Variants in MCC observed in about 807,000 individuals in gnomAD.
MCC encodes the protein colorectal mutant cancer protein.
A neutral mutation model predicts 116.2 loss-of-function variants in MCC; 90 were observed. The observed-to-expected ratio is 0.77, with a 90% CI of 0.65 to 0.92. MCC has a LOEUF of 0.92. MCC is among the 40% of genes least tolerant of loss of function. The pLI is 0.00. For missense variants in MCC, 1,516 were observed against 1,312.2 expected (o/e 1.16, Z -2.40); for synonymous variants, 578 against 510.5 (o/e 1.13, Z -1.78).
chr5:113,403,725 C>G (rs1769755272), intron 1 of MCC, among the ~76,000 whole-genome samples: 1 of 152,158 alleles, frequency 6.6e-6, no homozygotes, highest in Non-Finnish European at 1.5e-5. Context: ...GAGCTGTAAG[C>G]CCCCAGCGGG....
intron 3 of MCC, among the ~76,000 whole-genome samples, chr5:113,261,672 C>T (rs1294069912): frequency 6.6e-6 from 1 of 152,096 alleles, no homozygotes; most frequent in East Asian, 1.9e-4. Context: ...GTTTAACTGA[C>T]ACAAACAAAA....
Position 113,128,161 on chromosome 5 carries a change from C to T in MCC, c.885-5335G>A, listed in dbSNP as rs540486726. Among the ~76,000 whole-genome samples the T allele has an allele frequency of 3.7e-4, 56 of 152,208 alleles. 1 individual carries two copies. Among genetic ancestry groups the T allele is most frequent in the Non-Finnish European group, 4.7e-4 (32 of 68,026 alleles). On this transcript the variant is annotated intron_variant, in intron 5 of 18. Transcript: ENST00000408903. ...TATGGAGTCAACAGCATTTGATAGA[C>T]TGTCATGTCACTAACTATCCACATT...
intron 2 of MCC, among the ~76,000 whole-genome samples, chr5:113,374,661 T>G (rs1768937827): frequency 6.6e-6 from 1 of 152,138 alleles, no homozygotes; most frequent in East Asian, 1.9e-4. Flanking sequence ...TATATAACTT[T>G]TCCTCCAAAT....
At chr5:113,217,512 G>C (rs1199848904) in intron 3 of MCC, among the ~76,000 whole-genome samples, 1 of 152,188 alleles carries the variant, frequency 6.6e-6, no homozygotes, top group African/African-American at 2.4e-5. Flanking sequence ...ATGGGGGCTA[G>C]AACAGAGATA....
At chr5:113,125,426 A>T (rs7707680) in intron 5 of MCC, among the ~76,000 whole-genome samples, 2,692 of 152,308 alleles carry the variant, frequency 0.018, 75 homozygotes, top group African/African-American at 0.054. Context: ...ACAAAGAGTG[A>T]GGTATAAAAA....
chr5:113,385,841 C>T lies in MCC; in HGVS notation c.171-629G>A, dbSNP rs1166203698. On this transcript the variant is annotated intron_variant, in intron 1 of 18. Coordinates refer to ENST00000408903, the MANE Select transcript of MCC (RefSeq NM_001085377.2). ...AGAGCAGGGATCAAAATCTCAATGT[C>T]TTCCAGGACTAGATTTAATGTAAAT... 7.2e-5 allele frequency among the ~76,000 whole-genome samples: 11 copies of T among 152,140 alleles called. No homozygotes were observed. In the East Asian group the frequency reaches 2.1e-3, roughly 29 times the overall value.
intron 6 of MCC, among the ~76,000 whole-genome samples, chr5:113,120,441 G>A (rs1299892329): frequency 6.6e-6 from 1 of 152,210 alleles, no homozygotes; most frequent in Non-Finnish European, 1.5e-5. Context: ...GGCCTTAGAT[G>A]CAATCCAGAC....
chr5:113,483,433 T>C (rs1772430320), intron 1 of MCC, among the ~76,000 whole-genome samples: 1 of 152,174 alleles, frequency 6.6e-6, no homozygotes, highest in Non-Finnish European at 1.5e-5. Context: ...TCATTTTTAA[T>C]GTACCCATAG....
chr5:113,370,827 C>A (rs1768820600), intron 2 of MCC, among the ~76,000 whole-genome samples: 1 of 152,164 alleles, frequency 6.6e-6, no homozygotes, highest in African/African-American at 2.4e-5. Context: ...ACAGAAATTT[C>A]TAACAAGAAA....
intron 1 of MCC, among the ~76,000 whole-genome samples, chr5:113,449,951 A>C (rs1399663015): frequency 6.6e-6 from 1 of 152,182 alleles, no homozygotes; most frequent in Non-Finnish European, 1.5e-5. Context: ...CCATTTTAAA[A>C]TGTTTACTTT....
At chr5:113,082,189 TGAAAA>T (rs1754909931) in intron 11 of MCC, among the ~76,000 whole-genome samples, 1 of 152,198 alleles carries the variant, frequency 6.6e-6, no homozygotes, top group South Asian at 2.1e-4. Flanking sequence ...TTGTAAGACT[TGAAAA>T]GAATCCATAA....
intron 1 of MCC, among the ~76,000 whole-genome samples, chr5:113,386,366 T>G (rs571716647): frequency 6.6e-6 from 1 of 152,144 alleles, no homozygotes; most frequent in East Asian, 1.9e-4. Context: ...GTCACTATGG[T>G]CTCTCTCAAA....
intron 1 of MCC, among the ~76,000 whole-genome samples, chr5:113,438,447 A>G (rs912463218): frequency 1.3e-5 from 2 of 152,160 alleles, no homozygotes; most frequent in African/African-American, 4.8e-5. Context: ...AAGTTATCTA[A>G]TTTACCTAGT....
chr5:113,346,209 C>T (rs1581415955), intron 2 of MCC, among the ~76,000 whole-genome samples: 1 of 151,996 alleles, frequency 6.6e-6, no homozygotes, highest in Non-Finnish European at 1.5e-5. Flanking sequence ...AAAAATGAAG[C>T]ACGCCTACAA....
rs1766323166 is a variant in MCC at position 113,287,828 on chromosome 5, C to T, written c.627+52691G>A. ...TGCCCACTCACACTCAGGGTTCTGG[C>T]ATCTCCAATTGGTAGCAACTACCTC... On this transcript the variant is annotated intron_variant, in intron 3 of 18. Coordinates refer to ENST00000408903, the MANE Select transcript of MCC (RefSeq NM_001085377.2). 2.0e-5 allele frequency among the ~76,000 whole-genome samples: 3 copies of T among 152,202 alleles called. No homozygotes were observed. In the South Asian group the frequency reaches 6.2e-4, roughly 32 times the overall value.
chr5:113,488,170 G>C, intron 1 of MCC, 75 bp downstream of exon 1: 1 of 1,399,368 alleles, frequency 7.1e-7, no homozygotes, highest in Non-Finnish European at 9.5e-7. Context: ...TGGGGCGAGG[G>C]GGCAGAGCAG....
At chr5:113,046,719 A>AGG (rs1752116257) in intron 16 of MCC, among the ~76,000 whole-genome samples, 3 of 138,684 alleles carry the variant, frequency 2.2e-5, no homozygotes, top group Admixed American at 7.4e-5. Flanking sequence ...AAAGAGAGAG[A>AGG]TTTTGAAGGT....
At chr5:113,425,970 CGAGGGCGGA>C (rs748830528) in intron 1 of MCC, among the ~76,000 whole-genome samples, 3 of 151,872 alleles carry the variant, frequency 2.0e-5, no homozygotes, top group Non-Finnish European at 4.4e-5. Flanking sequence ...GTCTGGCAGC[CGAGGGCGGA>C]ACCCAGGCAG....
intron 3 of MCC, among the ~76,000 whole-genome samples, chr5:113,246,061 A>C (rs1196205936): frequency 6.6e-6 from 1 of 152,240 alleles, no homozygotes; most frequent in East Asian, 1.9e-4. Flanking sequence ...AAAAAAGAAT[A>C]AACTCTTGGT....
Sources: allele counts gnomAD v4.1 joint callset (sites outside exome capture counted in the v4.1 genomes callset), GRCh38; gene constraint gnomAD v4.1.1; transcripts MANE v1.5; gene names NCBI Gene and HGNC (gene_info 2026-07-23, HGNC 2026-07-21).